Variants in ZZEF1 observed in about 807,000 individuals in gnomAD.
The protein encoded by ZZEF1 is zinc finger ZZ-type and EF-hand domain-containing protein 1.
In ZZEF1, 157 loss-of-function variants were observed where a neutral mutation model predicts 342.8. The observed-to-expected ratio is 0.46, with a 90% CI of 0.40 to 0.52. The LOEUF is 0.52. ZZEF1 is among the 20% of genes least tolerant of loss of function. The pLI is 0.00. For missense variants in ZZEF1, 3,480 were observed against 3,725.6 expected, an observed-to-expected ratio of 0.93 and a Z score of 1.72; for synonymous variants, 1,505 against 1,429.1, an observed-to-expected ratio of 1.05 and a Z score of -1.20.
intron 15 of ZZEF1, among the ~76,000 whole-genome samples, 180 bp downstream of exon 15, chr17:4,086,297 CTGGGGGATT>C (rs1156602785): frequency 1.2e-4 from 2 of 16,352 alleles, no homozygotes; most frequent in Admixed American, 1.0e-3. Flanking sequence ...CAATCCCTTT[CTGGGGGATT>C]CCCACAGCGG....
chr17:4,112,503 G>T, intron 5 of ZZEF1, 106 bp downstream of exon 5: 2 of 1,114,180 alleles, frequency 1.8e-6, no homozygotes, highest in Non-Finnish European at 2.7e-6. Flanking sequence ...TTTTGTGTAC[G>T]TCCTAAGAAG....
Position 4,095,929 on chromosome 17 carries a change from G to C in ZZEF1, c.1815C>G (p.Asn605Lys), listed in dbSNP as rs765058055. The change falls in exon 11 of 55, where the codon AAC becomes AAG. Residue 605 changes from asparagine (N) to lysine (K), a missense_variant. Asn to Lys is a moderately conservative substitution (Grantham distance 94). This residue lies in a region of ZZEF1 where 1,528 missense variants were observed against 1,624.1 expected (regional missense o/e 0.94). Coordinates refer to ENST00000381638, the MANE Select transcript of ZZEF1 (RefSeq NM_015113.4). ...CCGCACAAAATTTATCTGAAGATGA[G>C]TTATAGGCAAACACCAACCCACACT... ...GAQCGLVFAY[N>K]SSSDKFCAEE... 4 of 1,613,772 alleles carry C rather than the reference G, an allele frequency of 2.5e-6. No homozygotes were observed. Among genetic ancestry groups the C allele is most frequent in the Admixed American group, 3.3e-5 (2 of 60,010 alleles).
At chr17:4,087,783 A>AACACACACACACACACACACACACAC (rs10522603) in intron 13 of ZZEF1, among the ~76,000 whole-genome samples, 2 of 145,990 alleles carry the variant, frequency 1.4e-5, no homozygotes, top group Non-Finnish European at 3.0e-5. Flanking sequence ...ATATACACAC[A>AACACACACACACACACACACACACAC]ACACACACAC....
intron 54 of ZZEF1, among the ~76,000 whole-genome samples, chr17:4,007,519 A>T (rs982031590): frequency 2.0e-5 from 3 of 152,132 alleles, no homozygotes; most frequent in Admixed American, 2.0e-4. Context: ...GGGGGGGGTC[A>T]GAAGAGGGTA....
chr17:4,053,542 T>C (rs900187365), intron 34 of ZZEF1, among the ~76,000 whole-genome samples: 3 of 152,242 alleles, frequency 2.0e-5, no homozygotes, highest in Admixed American at 6.5e-5. Flanking sequence ...TGTACTGGAA[T>C]AGACATTCTG....
intron 2 of ZZEF1, among the ~76,000 whole-genome samples, chr17:4,117,919 G>A (rs1280814772): frequency 1.3e-5 from 2 of 152,070 alleles, no homozygotes; most frequent in East Asian, 3.9e-4. Context: ...GTTTCCAACG[G>A]CATTTTACAA....
intron 2 of ZZEF1, among the ~76,000 whole-genome samples, chr17:4,120,692 A>G (rs951701146): frequency 2.0e-5 from 3 of 152,190 alleles, no homozygotes; most frequent in Non-Finnish European, 4.4e-5. Context: ...TGTAATCCCC[A>G]CATTTCAGGA....
At chr17:4,107,702 T>A (rs2058234355) in intron 6 of ZZEF1, among the ~76,000 whole-genome samples, 1 of 152,182 alleles carries the variant, frequency 6.6e-6, no homozygotes, top group South Asian at 2.1e-4. Flanking sequence ...AAAAAATGTA[T>A]TAAGGATCAT....
intron 43 of ZZEF1, among the ~76,000 whole-genome samples, chr17:4,023,542 G>A (rs977958634): frequency 2.6e-5 from 4 of 151,886 alleles, no homozygotes; most frequent in African/African-American, 7.3e-5. Context: ...ACAGCAGGCT[G>A]GGCACCATGG....
intron 7 of ZZEF1, among the ~76,000 whole-genome samples, chr17:4,105,486 A>C (rs2058196047): frequency 6.6e-6 from 1 of 152,228 alleles, no homozygotes; most frequent in African/African-American, 2.4e-5. Context: ...ACCCCTCACC[A>C]ACCTTCCCAA....
intron 6 of ZZEF1, among the ~76,000 whole-genome samples, chr17:4,106,269 A>G: frequency 6.6e-6 from 1 of 151,964 alleles, no homozygotes; most frequent in East Asian, 1.9e-4. Context: ...TTTGCCCAGG[A>G]GTCACAGTGC....
intron 1 of ZZEF1, among the ~76,000 whole-genome samples, chr17:4,138,740 T>C (rs2145624539): frequency 6.6e-6 from 1 of 152,380 alleles, no homozygotes. Flanking sequence ...CACGTTTTTC[T>C]GCCCTAGAAG....
chr17:4,138,964 T>C (rs1219468498), intron 1 of ZZEF1, among the ~76,000 whole-genome samples: 2 of 150,916 alleles, frequency 1.3e-5, no homozygotes, highest in African/African-American at 2.5e-5. Context: ...CAGACTTTGG[T>C]CCATGGTCCA....
At position 4,016,777 on chromosome 17, in the gene ZZEF1, A is replaced by G. The variant is rs2056113375; in HGVS notation, c.8002-311T>C. On this transcript the variant is annotated intron_variant, in intron 48 of 54. Coordinates refer to ENST00000381638, the MANE Select transcript of ZZEF1 (RefSeq NM_015113.4). The surrounding 1 kb of genome is among the most constrained non-coding windows in gnomAD (Gnocchi z 4.4). ...CCCAGCCAAGCAGGTGGATTGGCCT[A>G]TGGATAAATAATGACCACACAATGT... is the stretch of plus-strand genomic sequence containing the variant. 3.4e-6 allele frequency: 1 copy of G among 290,214 alleles called. No individual in the cohort carries two copies. Among genetic ancestry groups the G allele is most frequent in the Non-Finnish European group, 6.4e-6 (1 of 155,082 alleles). 18.0% of individuals were successfully genotyped at this position (290,214 alleles called of 1,614,324 possible).
intron 21 of ZZEF1, 105 bp from the exon 22 acceptor site, chr17:4,075,534 C>G: frequency 7.7e-7 from 1 of 1,292,266 alleles, no homozygotes; most frequent in South Asian, 1.5e-5. Context: ...ATGGCCTTGA[C>G]AGCCCTGCAC....
At chr17:4,104,539 A>T in intron 8 of ZZEF1, 94 bp downstream of exon 8, 3 of 1,379,746 alleles carry the variant, frequency 2.2e-6, no homozygotes, top group East Asian at 2.3e-5. Context: ...ACCCAAAAAG[A>T]TGAGAAGATA....
At chr17:4,058,673 A>C (rs903818555) in intron 31 of ZZEF1, among the ~76,000 whole-genome samples, 4 of 152,202 alleles carry the variant, frequency 2.6e-5, no homozygotes, top group African/African-American at 9.7e-5. Context: ...CCAGGAGCTC[A>C]AGGCCAGCCT....
At chr17:4,070,297 C>A (rs1282049893) in intron 26 of ZZEF1, among the ~76,000 whole-genome samples, 1 of 152,206 alleles carries the variant, frequency 6.6e-6, no homozygotes, top group African/African-American at 2.4e-5. Flanking sequence ...CACCCTTAAA[C>A]CAATTTTACA....
At chr17:4,121,727 AT>A (rs113730635) in intron 2 of ZZEF1, among the ~76,000 whole-genome samples, 15,786 of 146,272 alleles carry the variant, frequency 0.11, 826 homozygotes, top group African/African-American at 0.14. Context: ...GGAGATACAC[AT>A]TTTTTTTTTT....
Sources: allele counts gnomAD v4.1 joint callset (sites outside exome capture counted in the v4.1 genomes callset), GRCh38; gene constraint gnomAD v4.1.1; regional missense constraint gnomAD v4.1.1; non-coding constraint Gnocchi (gnomAD v3.1); transcripts MANE v1.5; gene names NCBI Gene and HGNC (gene_info 2026-07-23, HGNC 2026-07-21).